FHIT: variants seen among roughly 807,000 people sequenced by gnomAD.
FHIT encodes the protein bis(5'-adenosyl)-triphosphatase.
A neutral mutation model predicts 17.9 loss-of-function variants in FHIT; 19 were observed. The observed-to-expected ratio is 1.06, with a 90% confidence interval of 0.74 to 1.56. FHIT has a LOEUF of 1.56. FHIT is among the 40% of genes most tolerant of loss of function. FHIT has a pLI of 0.00. For synonymous variants in FHIT, 81 were observed against 69.7 expected (o/e 1.16, Z -0.81); for missense variants, 248 against 189.2 (o/e 1.31, Z -1.82).
At chr3:60,610,075 C>T (rs985704459) in intron 4 of FHIT, among the ~76,000 whole-genome samples, 2 of 152,138 alleles carry the variant, frequency 1.3e-5, no homozygotes, top group African/African-American at 4.8e-5. Context: ...AAATAAACTA[C>T]ATTATTATTA....
At chr3:60,497,081 A>G (rs1464161666) in intron 5 of FHIT, among the ~76,000 whole-genome samples, 1 of 152,174 alleles carries the variant, frequency 6.6e-6, no homozygotes, top group Non-Finnish European at 1.5e-5. Context: ...CACATGTGGC[A>G]ATATGTGGAG....
At chr3:60,876,871 A>C (rs1704685924) in intron 3 of FHIT, among the ~76,000 whole-genome samples, 1 of 152,200 alleles carries the variant, frequency 6.6e-6, no homozygotes, top group African/African-American at 2.4e-5. Flanking sequence ...CCTGGTGAGC[A>C]CAGAAACTCA....
chr3:61,224,877 T>C (rs2039930747), intron 1 of FHIT, among the ~76,000 whole-genome samples: 1 of 152,222 alleles, frequency 6.6e-6, no homozygotes, highest in African/African-American at 2.4e-5. Context: ...CATATATATA[T>C]ACATACATTA....
rs559010940 is a variant in FHIT, at chr3:60,516,025, C to T, written c.103+20835G>A. The stretch of plus-strand genomic sequence containing the variant: ...ACTCAAGTTGATATAGTGGGGAAGG[C>T]GGGGAAGGCAGGGAAATCTGGAGCT... On this transcript the variant is annotated intron_variant, in intron 5 of 9. Coordinates refer to ENST00000492590, the MANE Select transcript of FHIT (RefSeq NM_002012.4). 8.4e-4 allele frequency among the ~76,000 whole-genome samples: 128 copies of T among 152,104 alleles called. 1 individual carries two copies. The highest frequency in any genetic ancestry group is 2.8e-3 in the African/African-American group (117 of 41,474).
chr3:59,915,583 G>A (rs560116875), intron 8 of FHIT, among the ~76,000 whole-genome samples: 2 of 152,220 alleles, frequency 1.3e-5, no homozygotes, highest in East Asian at 3.9e-4. Context: ...CTTCCTTGGA[G>A]GCTCCAGCTC....
chr3:60,227,239 C>A (rs750659367), intron 5 of FHIT, among the ~76,000 whole-genome samples: 1 of 152,136 alleles, frequency 6.6e-6, no homozygotes, highest in Non-Finnish European at 1.5e-5. Flanking sequence ...ATGACTTTTA[C>A]CAAGATTCTT....
chr3:60,229,870 T>C (rs1704407678), intron 5 of FHIT, among the ~76,000 whole-genome samples: 1 of 152,170 alleles, frequency 6.6e-6, no homozygotes, highest in African/African-American at 2.4e-5. Flanking sequence ...TAATCCCAGC[T>C]TCTCAAGAGG....
chr3:59,867,881 T>C (rs1702726899), intron 8 of FHIT, among the ~76,000 whole-genome samples: 1 of 152,000 alleles, frequency 6.6e-6, no homozygotes, highest in South Asian at 2.1e-4. Flanking sequence ...AGTACTCTAA[T>C]AACCTTGTTA....
intron 5 of FHIT, among the ~76,000 whole-genome samples, chr3:60,410,096 G>T (rs992954060): frequency 7.2e-5 from 11 of 152,178 alleles, no homozygotes; most frequent in Non-Finnish European, 1.2e-4. Context: ...ACCTGCTATT[G>T]TTTAACTGAA....
intron 5 of FHIT, among the ~76,000 whole-genome samples, chr3:60,064,074 A>T (rs78392181): frequency 1.3e-5 from 2 of 152,208 alleles, no homozygotes; most frequent in African/African-American, 4.8e-5. Context: ...AAGAAACTTC[A>T]CAATGGTAAT....
chr3:60,597,937 T>C (rs1242779601), intron 4 of FHIT, among the ~76,000 whole-genome samples: 2 of 151,972 alleles, frequency 1.3e-5, no homozygotes, highest in Non-Finnish European at 2.9e-5. Flanking sequence ...ATAAGCAACA[T>C]CAGAGAGATA....
chr3:60,315,563 ATCCAGCT>A (rs1172570239), intron 5 of FHIT, among the ~76,000 whole-genome samples: 3 of 152,230 alleles, frequency 2.0e-5, no homozygotes, highest in African/African-American at 7.2e-5. Context: ...ACGCTCTAGC[ATCCAGCT>A]TCTTCCGTTC....
chr3:59,960,090 A>G (rs1255917973), intron 7 of FHIT, among the ~76,000 whole-genome samples: 1 of 152,210 alleles, frequency 6.6e-6, no homozygotes, highest in Non-Finnish European at 1.5e-5. Flanking sequence ...ATAGGGTGGC[A>G]GTGGAAACCA....
At chr3:60,537,895 T>C (rs1453825711) in intron 4 of FHIT, among the ~76,000 whole-genome samples, 4 of 152,206 alleles carry the variant, frequency 2.6e-5, no homozygotes, top group Non-Finnish European at 5.9e-5. Flanking sequence ...CTGAGGAACA[T>C]GGATCAATCT....
intron 5 of FHIT, among the ~76,000 whole-genome samples, chr3:60,417,081 T>C (rs1234065643): frequency 2.0e-5 from 3 of 146,396 alleles, no homozygotes; most frequent in African/African-American, 7.7e-5. Context: ...AGAGGGAGAC[T>C]CCATCTCAGA....
At chr3:60,794,250 T>C (rs1428903915) in intron 4 of FHIT, among the ~76,000 whole-genome samples, 1 of 152,214 alleles carries the variant, frequency 6.6e-6, no homozygotes, top group Non-Finnish European at 1.5e-5. Context: ...TTCTACTCCT[T>C]GCTTTTTCTC....
intron 3 of FHIT, among the ~76,000 whole-genome samples, chr3:61,015,779 C>T (rs1375738820): frequency 6.6e-6 from 1 of 151,978 alleles, no homozygotes; most frequent in Non-Finnish European, 1.5e-5. Flanking sequence ...GGTTTAGCAT[C>T]GTGATGGTAG....
At chr3:61,030,954 G>A (rs2032982732) in intron 3 of FHIT, among the ~76,000 whole-genome samples, 1 of 152,150 alleles carries the variant, frequency 6.6e-6, no homozygotes, top group Non-Finnish European at 1.5e-5. Flanking sequence ...TAGGAGAACA[G>A]AGGAGTATGG....
intron 5 of FHIT, among the ~76,000 whole-genome samples, chr3:60,147,813 G>A (rs750143847): frequency 9.2e-5 from 14 of 152,098 alleles, no homozygotes; most frequent in African/African-American, 1.9e-4. Flanking sequence ...ATGGAGCAAC[G>A]GTGCAGTTGT....
Sources: allele counts gnomAD v4.1 joint callset (sites outside exome capture counted in the v4.1 genomes callset), GRCh38; gene constraint gnomAD v4.1.1; transcripts MANE v1.5; gene names NCBI Gene and HGNC (gene_info 2026-07-23, HGNC 2026-07-21).